Variants in RBFOX1 observed in about 807,000 individuals in gnomAD.
RBFOX1 encodes RNA binding protein fox-1 homolog 1.
RBFOX1 carries 8 observed loss-of-function variants against 57.7 expected under a neutral mutation model. The ratio of observed to expected loss-of-function variants is 0.14; its 90% CI spans 0.08 to 0.25. RBFOX1 has a LOEUF of 0.25. RBFOX1 is among the 10% of genes least tolerant of loss of function. RBFOX1 has a pLI of 1.00. For synonymous variants in RBFOX1, 326 were observed against 222.4 expected, an observed-to-expected ratio of 1.47 and a Z score of -4.15; for missense variants, 611 against 548.5, an observed-to-expected ratio of 1.11 and a Z score of -1.14.
intron 3 of RBFOX1, among the ~76,000 whole-genome samples, chr16:5,702,392 G>A (rs2051084802): frequency 6.6e-6 from 1 of 152,170 alleles, no homozygotes; most frequent in African/African-American, 2.4e-5. Flanking sequence ...CCCCCATGAT[G>A]CAGTCACCTC....
intron 5 of RBFOX1, among the ~76,000 whole-genome samples, chr16:7,558,061 A>C (rs924373297): frequency 1.3e-5 from 2 of 152,160 alleles, no homozygotes; most frequent in African/African-American, 2.4e-5. Context: ...AATTTTTAAT[A>C]TACTTTATTG....
rs2084132753 is a variant in RBFOX1, at chr16:7,712,401, A to T, written c.*1656A>T. On this transcript the variant is annotated 3_prime_UTR_variant, in exon 16 of 16. Transcript: ENST00000550418. ...TAAAACAAAACCAAACAAAACTTTAAAAAAAAATGTGTGATCCAGCTTTCT... is the reference window on the plus strand; with the variant it reads ...TAAAACAAAACCAAACAAAACTTTATAAAAAAATGTGTGATCCAGCTTTCT... 6.6e-6 allele frequency: 1 copy of T among 152,456 alleles called. No homozygotes were observed. The highest frequency in any genetic ancestry group is 1.5e-5 in the Non-Finnish European group (1 of 68,004). The allele number at this position is 152,456 out of a possible 1,614,324, so 9.4% of individuals were successfully genotyped here. A position where few individuals can be genotyped will look rare whatever the true frequency, so the allele number is the denominator to read the frequency against.
At chr16:6,212,596 A>G (rs2097305640) in intron 1 of RBFOX1, among the ~76,000 whole-genome samples, 3 of 152,088 alleles carry the variant, frequency 2.0e-5, no homozygotes, top group Admixed American at 2.0e-4. Context: ...AGTCCCAGCT[A>G]CTTGGGAGGC....
At chr16:7,013,104 C>T (rs1449870264) in intron 3 of RBFOX1, among the ~76,000 whole-genome samples, 1 of 152,134 alleles carries the variant, frequency 6.6e-6, no homozygotes. Context: ...TCTCAAAAGT[C>T]CCATCTCCAA....
chr16:6,700,463 G>A (rs1480966103), intron 3 of RBFOX1, among the ~76,000 whole-genome samples: 1 of 152,008 alleles, frequency 6.6e-6, no homozygotes, highest in Non-Finnish European at 1.5e-5. Context: ...TTGGAGACCA[G>A]CCTAGCCAAC....
chr16:7,039,375 G>C (rs1219231922), intron 3 of RBFOX1, among the ~76,000 whole-genome samples: 1 of 152,198 alleles, frequency 6.6e-6, no homozygotes, highest in Non-Finnish European at 1.5e-5. Context: ...TCTTCCCCAA[G>C]GTTAAGAGGA....
intron 4 of RBFOX1, among the ~76,000 whole-genome samples, chr16:5,969,173 A>C (rs1425068407): frequency 6.6e-6 from 1 of 151,648 alleles, no homozygotes; most frequent in Non-Finnish European, 1.5e-5. Flanking sequence ...ATGTTGCAGC[A>C]TTGATCTTAT....
At chr16:6,798,535 A>G (rs921706171) in intron 3 of RBFOX1, among the ~76,000 whole-genome samples, 1 of 152,092 alleles carries the variant, frequency 6.6e-6, no homozygotes, top group East Asian at 1.9e-4. Context: ...AGCCCAGATA[A>G]CACCCCCAAT....
At chr16:6,655,247 G>GCA (rs1485765725) in intron 3 of RBFOX1, among the ~76,000 whole-genome samples, 15 of 151,030 alleles carry the variant, frequency 9.9e-5, no homozygotes, top group African/African-American at 2.7e-4. Flanking sequence ...GGTGGCACAT[G>GCA]CCTGTAATCC....
intron 1 of RBFOX1, chr16:6,092,971 A>G (rs2096197985): frequency 6.6e-6 from 1 of 152,206 alleles, no homozygotes; most frequent in Non-Finnish European, 1.5e-5. Context: ...TGCTATGTTT[A>G]TCACCTGGGT....
intron 2 of RBFOX1, among the ~76,000 whole-genome samples, chr16:6,395,920 G>C (rs1192293205): frequency 6.6e-6 from 1 of 151,806 alleles, no homozygotes; most frequent in Non-Finnish European, 1.5e-5. Flanking sequence ...CAAAAAATTA[G>C]CTGGTCATGG....
chr16:6,690,758 CT>C (rs71145276), intron 3 of RBFOX1, among the ~76,000 whole-genome samples: 74 of 140,958 alleles, frequency 5.2e-4, no homozygotes, highest in Admixed American at 5.7e-4. Flanking sequence ...TTCTTTCTTT[CT>C]TTTTTTTTTT....
intron 1 of RBFOX1, among the ~76,000 whole-genome samples, chr16:6,166,248 G>A (rs1386422063): frequency 2.0e-5 from 3 of 152,122 alleles, no homozygotes; most frequent in Non-Finnish European, 2.9e-5. Context: ...CCTGCCTGCT[G>A]TCCTGGTGAA....
intron 1 of RBFOX1, among the ~76,000 whole-genome samples, chr16:6,079,726 C>T (rs1268028836): frequency 2.0e-5 from 3 of 152,176 alleles, no homozygotes; most frequent in African/African-American, 4.8e-5. Flanking sequence ...ATCCTAGCTA[C>T]TCAGAAGGCT....
intron 1 of RBFOX1, among the ~76,000 whole-genome samples, chr16:6,080,151 G>A (rs1402133559): frequency 6.6e-6 from 1 of 152,114 alleles, no homozygotes. Flanking sequence ...GATGGGGAGA[G>A]GCAAGGAGAG....
At chr16:6,886,301 A>C (rs1306919490) in intron 3 of RBFOX1, among the ~76,000 whole-genome samples, 4 of 151,800 alleles carry the variant, frequency 2.6e-5, no homozygotes, top group Non-Finnish European at 4.4e-5. Context: ...ACCTCACGTG[A>C]TCTGCCCACC....
intron 2 of RBFOX1, among the ~76,000 whole-genome samples, chr16:6,333,753 C>G (rs1021674889): frequency 2.0e-5 from 3 of 152,154 alleles, no homozygotes; most frequent in African/African-American, 7.2e-5. Flanking sequence ...GATGTTACAT[C>G]AACGAATGGT....
At chr16:5,725,295 G>A (rs2052100958) in intron 3 of RBFOX1, among the ~76,000 whole-genome samples, 1 of 152,044 alleles carries the variant, frequency 6.6e-6, no homozygotes, top group Non-Finnish European at 1.5e-5. Context: ...CCAGGCAGAA[G>A]TGCAATTATG....
At chr16:7,513,502 A>G (rs552373190) in intron 4 of RBFOX1, among the ~76,000 whole-genome samples, 2 of 152,190 alleles carry the variant, frequency 1.3e-5, no homozygotes, top group Non-Finnish European at 2.9e-5. Context: ...GGACCTTGGC[A>G]CTATTAACAT....
Sources: gnomAD v4.1 joint callset for allele counts (sites outside exome capture counted in the v4.1 genomes callset) on GRCh38, gnomAD v4.1.1 for gene constraint, MANE v1.5 for transcripts, NCBI Gene and HGNC (gene_info 2026-07-23, HGNC 2026-07-21) for gene names.